NFIC: variants seen among roughly 807,000 people sequenced by gnomAD.
NFIC encodes the protein nuclear factor I C.
NFIC carries 12 observed loss-of-function variants against 54.4 expected under a neutral mutation model. The observed-to-expected ratio is 0.22, with a 90% CI of 0.14 to 0.36. The LOEUF is 0.36. Ranked by LOEUF, NFIC falls within the 10% of genes least tolerant of loss-of-function variation. The pLI, the probability that NFIC is intolerant of heterozygous loss-of-function variation, is 1.00. For missense variants in NFIC, 575 were observed against 718.2 expected, an observed-to-expected ratio of 0.80 and a Z score of 2.28; for synonymous variants, 322 against 319.2, an observed-to-expected ratio of 1.01 and a Z score of -0.09.
intron 2 of NFIC, among the ~76,000 whole-genome samples, chr19:3,404,525 C>T (rs1052952704): frequency 4.6e-5 from 7 of 152,062 alleles, no homozygotes; most frequent in Non-Finnish European, 8.8e-5. Flanking sequence ...TGCAGAGGGG[C>T]TGGGGGAGGC....
At chr19:3,362,904 G>A (rs1036188306), upstream of NFIC, among the ~76,000 whole-genome samples, 15 of 152,084 alleles carry the variant, frequency 9.9e-5, no homozygotes, top group African/African-American at 3.4e-4. Context: ...TTACCATGGG[G>A]GGCTGGGGGT....
intron 2 of NFIC, among the ~76,000 whole-genome samples, chr19:3,420,556 A>AAAATAAAAAAAT (rs1555751894): frequency 7.0e-6 from 1 of 142,680 alleles, no homozygotes; most frequent in Non-Finnish European, 1.5e-5. Flanking sequence ...CCATCTCAAA[A>AAAATAAAAAAAT]AAATAAATAA....
chr19:3,389,190 G>T (rs1342584449), intron 2 of NFIC, among the ~76,000 whole-genome samples: 1 of 152,168 alleles, frequency 6.6e-6, no homozygotes, highest in East Asian at 1.9e-4. Flanking sequence ...CTATGGAAGG[G>T]GACCAAGCCT....
intron 6 of NFIC, among the ~76,000 whole-genome samples, chr19:3,441,872 C>G (rs2082298999): frequency 6.6e-6 from 1 of 152,206 alleles, no homozygotes; most frequent in African/African-American, 2.4e-5. Flanking sequence ...GCTCCTCCTC[C>G]TCCTCGGCAT....
At chr19:3,456,506 A>G (rs1472673673) in intron 9 of NFIC, 44 bp from the exon 10 acceptor site, 15 of 1,544,866 alleles carry the variant, frequency 9.7e-6, no homozygotes, top group Non-Finnish European at 1.3e-5. Context: ...CCCGGCTCCC[A>G]CAACCCCTCG....
chr19:3,398,908 C>G (rs2081509722), intron 2 of NFIC, among the ~76,000 whole-genome samples: 1 of 152,244 alleles, frequency 6.6e-6, no homozygotes, highest in South Asian at 2.1e-4. Context: ...GCTGCGGACT[C>G]CGCCCTCAGC....
rs1434946229 is a variant in NFIC, at chr19:3,371,971, CTCTT to C, written c.30+5309_30+5312del. Among the ~76,000 whole-genome samples, 169 of 104,856 alleles carry C rather than the reference CTCTT, an allele frequency of 1.6e-3. 1 individual carries two copies. The highest frequency in any genetic ancestry group is 2.6e-3 in the Non-Finnish European group (138 of 52,550). The allele number at this position is 104,856 out of a possible 152,430, so 68.8% of individuals were successfully genotyped here. A position where few individuals can be genotyped will look rare whatever the true frequency, so the allele number is the denominator to read the frequency against. On this transcript the variant is annotated intron_variant, in intron 1 of 10. Coordinates refer to ENST00000443272, the MANE Select transcript of NFIC (RefSeq NM_001245002.2). ...TCCCTCCCTCCTTCCTTCTTTCCTT[CTCTT>C]TCTCTCTCTCTCCCTCTCTCTCCCT...
rs1295209247 is a variant in NFIC at position 3,382,225 on chromosome 19, T to A, written c.544T>A (p.Tyr182Asn). 6.2e-7 allele frequency: 1 copy of A among 1,603,950 alleles called. No individual in the cohort carries two copies. Among genetic ancestry groups the A allele is most frequent in the Non-Finnish European group, 8.5e-7 (1 of 1,179,226 alleles). Residue 182 changes from tyrosine (Y) to asparagine (N), a missense_variant, in exon 2 of 11, where the codon TAC (tyrosine) becomes AAC (asparagine). Physicochemically the swap from Tyr to Asn is moderately radical, Grantham distance 143. This residue lies in a region of NFIC where 447 missense variants were observed against 526.9 expected (regional missense o/e 0.85). Transcript: ENST00000443272. Reference protein sequence around the residue: ...AVKELDLYLAYFVRERDAEQS... With the variant: ...AVKELDLYLANFVRERDAEQS... ...CAAGGAGCTGGACCTCTACCTGGCC[T>A]ACTTCGTGCGTGAGCGAGGTGAGGT... is the stretch of plus-strand genomic sequence containing the variant.
At position 3,458,324 on chromosome 19, in the gene NFIC, G is replaced by A. The variant is rs943446440; in HGVS notation, c.1509+1689G>A. ...ACCCCACATCGCTCCCTGCCCCTGC[G>A]GGAGGCTGGGAACGTCTTAAGTGGT... On this transcript the variant is annotated intron_variant, in intron 10 of 10. Transcript: ENST00000443272. The surrounding 1 kb of genome is among the most constrained non-coding windows in gnomAD (Gnocchi z 4.1). 7.9e-5 allele frequency among the ~76,000 whole-genome samples: 12 copies of A among 152,228 alleles called. No homozygotes were observed. The highest frequency in any genetic ancestry group is 5.8e-4 in the East Asian group (3 of 5,180).
intron 2 of NFIC, among the ~76,000 whole-genome samples, chr19:3,412,535 G>A (rs923160059): frequency 1.3e-5 from 2 of 152,178 alleles, no homozygotes; most frequent in Non-Finnish European, 2.9e-5. Context: ...GGGATTACAG[G>A]TGTGAGCCAC....
At chr19:3,434,089 G>C (rs1383531345) in intron 4 of NFIC, among the ~76,000 whole-genome samples, 188 bp from the exon 5 acceptor site, 1 of 152,176 alleles carries the variant, frequency 6.6e-6, no homozygotes, top group Non-Finnish European at 1.5e-5. Flanking sequence ...TGTGCTCTTG[G>C]CCTCTCCCCA....
intron 3 of NFIC, among the ~76,000 whole-genome samples, chr19:3,432,975 C>G (rs1054729020): frequency 1.3e-5 from 2 of 149,444 alleles, no homozygotes; most frequent in Non-Finnish European, 3.0e-5. Context: ...CGGCTCCACT[C>G]GTTTTTTAAG....
chr19:3,419,445 G>A (rs2081918632), intron 2 of NFIC, among the ~76,000 whole-genome samples: 1 of 151,878 alleles, frequency 6.6e-6, no homozygotes, highest in African/African-American at 2.4e-5. Context: ...CTGCACTGCA[G>A]CCTGGGTGAC....
At chr19:3,391,533 A>C (rs2081377117) in intron 2 of NFIC, among the ~76,000 whole-genome samples, 1 of 152,048 alleles carries the variant, frequency 6.6e-6, no homozygotes, top group Non-Finnish European at 1.5e-5. Flanking sequence ...GCGGTGGCTC[A>C]CACCTGTAAT....
intron 3 of NFIC, among the ~76,000 whole-genome samples, chr19:3,432,768 G>C (rs1311565423): frequency 1.3e-5 from 2 of 150,300 alleles, no homozygotes; most frequent in Non-Finnish European, 3.0e-5. Context: ...TCCACCTCTC[G>C]GGTTCACACC....
At chr19:3,440,275 G>A (rs992657411) in intron 6 of NFIC, among the ~76,000 whole-genome samples, 21 of 152,176 alleles carry the variant, frequency 1.4e-4, no homozygotes, top group Admixed American at 9.8e-4. Flanking sequence ...CCCACTCCGT[G>A]TCAGGAGCAC....
chr19:3,456,820 C>A, intron 10 of NFIC, 185 bp downstream of exon 10: 1 of 634,694 alleles, frequency 1.6e-6, no homozygotes, highest in Non-Finnish European at 2.8e-6. Flanking sequence ...AAATTTCCCT[C>A]CACCTTGGTC....
intron 6 of NFIC, among the ~76,000 whole-genome samples, chr19:3,439,751 T>C (rs1354148744): frequency 6.8e-4 from 98 of 144,434 alleles, no homozygotes; most frequent in Middle Eastern, 3.6e-3. Flanking sequence ...TGCAGTGGTG[T>C]GATCTCGGCT....
At chr19:3,401,910 C>T (rs1161285115) in intron 2 of NFIC, among the ~76,000 whole-genome samples, 2 of 151,462 alleles carry the variant, frequency 1.3e-5, no homozygotes, top group African/African-American at 2.4e-5. Context: ...TTAGTAGAGA[C>T]GGAGTTGCAC....
Sources: allele counts gnomAD v4.1 joint callset (sites outside exome capture counted in the v4.1 genomes callset), GRCh38; gene constraint gnomAD v4.1.1; regional missense constraint gnomAD v4.1.1; non-coding constraint Gnocchi (gnomAD v3.1); transcripts MANE v1.5; gene names NCBI Gene and HGNC (gene_info 2026-07-23, HGNC 2026-07-21).